Variants in OR51B5 observed in about 807,000 individuals in gnomAD.
OR51B5 encodes the protein olfactory receptor 51B5.
For synonymous variants in OR51B5, 186 were observed against 144.8 expected (o/e 1.28, Z -2.04); for missense variants, 456 against 374.6 (o/e 1.22, Z -1.79).
intron 1 of OR51B5, among the ~76,000 whole-genome samples, chr11:5,471,712 T>A (rs1037689602): frequency 5.3e-5 from 8 of 152,180 alleles, no homozygotes; most frequent in Admixed American, 2.0e-4. Flanking sequence ...CTACATGTTT[T>A]TACTGTAAAA....
Position 5,422,714 on chromosome 11 carries a change from C to T in OR51B5, n.85-75804G>A, listed in dbSNP as rs1193711671. On this transcript the variant is annotated intron_variant and non_coding_transcript_variant, in intron 1 of 4. Coordinates refer to the OR51B5 transcript ENST00000415970. Reference sequence around the variant, plus strand: ...CTTACTCAAGCGACTGCCTTTCTGCCACTCCCACCTTCTCTCTCGCTCCTA... The same window carrying T: ...CTTACTCAAGCGACTGCCTTTCTGCTACTCCCACCTTCTCTCTCGCTCCTA... The T allele has an allele frequency of 1.2e-6, 2 of 1,613,998 alleles. No homozygotes were observed. The highest frequency in any genetic ancestry group is 1.1e-5 in the South Asian group (1 of 91,066).
intron 1 of OR51B5, among the ~76,000 whole-genome samples, chr11:5,456,849 G>A (rs778809458): frequency 6.6e-6 from 1 of 152,182 alleles, no homozygotes; most frequent in Non-Finnish European, 1.5e-5. Context: ...TCTTCTTGAT[G>A]TTGTTCTCAT....
chr11:5,412,762 C>G (rs1268637576), intron 1 of OR51B5, among the ~76,000 whole-genome samples: 1 of 152,090 alleles, frequency 6.6e-6, no homozygotes, highest in Non-Finnish European at 1.5e-5. Context: ...ATTGCCCAGG[C>G]TTGCTTAGGT....
chr11:5,487,469 A>G (rs1851514869), intron 1 of OR51B5, among the ~76,000 whole-genome samples: 1 of 152,160 alleles, frequency 6.6e-6, no homozygotes, highest in Non-Finnish European at 1.5e-5. Flanking sequence ...AAAATCAGAG[A>G]ATGACTACAT....
chr11:5,473,854 A>AGTGTGT (rs71053262), intron 1 of OR51B5, among the ~76,000 whole-genome samples: 14,632 of 150,030 alleles, frequency 0.098, 734 homozygotes, highest in Middle Eastern at 0.13. Context: ...TTACAAAATG[A>AGTGTGT]GTGTGTGTGT....
At chr11:5,459,421 A>T (rs1477585263) in intron 1 of OR51B5, among the ~76,000 whole-genome samples, 3 of 150,964 alleles carry the variant, frequency 2.0e-5, no homozygotes, top group Admixed American at 6.6e-5. Context: ...TAGTTTCATC[A>T]GGAATATATT....
chr11:5,342,666 G>A (rs1483240017), exon 1 of OR51B5: 3 of 1,613,796 alleles, frequency 1.9e-6, no homozygotes, highest in Non-Finnish European at 2.5e-6. Context: ...TATGTTATAG[G>A]ATTCATTAGT....
At chr11:5,477,922 G>T (rs1449514097) in intron 1 of OR51B5, among the ~76,000 whole-genome samples, 30 of 151,988 alleles carry the variant, frequency 2.0e-4, no homozygotes, top group African/African-American at 7.0e-4. Flanking sequence ...CAAGGCAGCA[G>T]GGAGGCTGGG....
At chr11:5,413,246 T>A (rs1281582765) in intron 1 of OR51B5, among the ~76,000 whole-genome samples, 1 of 151,938 alleles carries the variant, frequency 6.6e-6, no homozygotes, top group Non-Finnish European at 1.5e-5. Context: ...GAAGGAAAAC[T>A]AACAAACAGA....
intron 1 of OR51B5, chr11:5,431,304 C>A: frequency 3.3e-6 from 1 of 303,074 alleles, no homozygotes; most frequent in South Asian, 3.1e-5. Flanking sequence ...ACATCTGGGC[C>A]AGGCAGCCAT....
intron 1 of OR51B5, among the ~76,000 whole-genome samples, chr11:5,491,754 CCT>C (rs921390644): frequency 6.6e-6 from 1 of 152,110 alleles, no homozygotes; most frequent in Non-Finnish European, 1.5e-5. Flanking sequence ...GTGAAACTTC[CCT>C]GATTACCAAT....
intron 1 of OR51B5, chr11:5,352,495 T>A: frequency 8.6e-7 from 1 of 1,159,604 alleles, no homozygotes; most frequent in Non-Finnish European, 1.2e-6. Context: ...CTGGACAGGA[T>A]GACAATGTTG....
In OR51B5 at chr11:5,454,338, C is replaced by T. The variant is rs746837240; in HGVS notation, n.84+51231G>A. On this transcript the variant is annotated intron_variant and non_coding_transcript_variant, in intron 1 of 4. Transcript: ENST00000415970. ...CATGTCAAATGTGTACCTATTTGTGCCTCCTGTGCTCAACCCTCTCATTTA... is the reference window on the plus strand; with the variant it reads ...CATGTCAAATGTGTACCTATTTGTGTCTCCTGTGCTCAACCCTCTCATTTA... 2.5e-6 allele frequency: 4 copies of T among 1,614,104 alleles called. No homozygotes were observed. In the South Asian group the frequency reaches 3.3e-5, roughly 13 times the overall value.
chr11:5,345,527 C>A (rs1350302339), upstream of OR51B5, among the ~76,000 whole-genome samples: 1 of 152,064 alleles, frequency 6.6e-6, no homozygotes, highest in Non-Finnish European at 1.5e-5. Context: ...GCCATTTACT[C>A]AAAATGGAAG....
At chr11:5,353,970 G>GTCTGTCTGTAGTATGAT (rs558402321) in intron 1 of OR51B5, among the ~76,000 whole-genome samples, 77 of 152,320 alleles carry the variant, frequency 5.1e-4, no homozygotes, top group African/African-American at 1.7e-3. Context: ...TTGGCTGTGT[G>GTCTGTCTGTAGTATGAT]TGAAATTTGC....
intron 1 of OR51B5, among the ~76,000 whole-genome samples, chr11:5,451,481 G>T (rs1850847339): frequency 6.6e-6 from 1 of 152,196 alleles, no homozygotes; most frequent in Non-Finnish European, 1.5e-5. Flanking sequence ...CAGAGTTCTT[G>T]AAGAGACACA....
At chr11:5,448,672 G>A (rs1448526481) in intron 1 of OR51B5, among the ~76,000 whole-genome samples, 1 of 152,206 alleles carries the variant, frequency 6.6e-6, no homozygotes, top group Non-Finnish European at 1.5e-5. Context: ...ATACATTTAA[G>A]AGACCCAGTT....
chr11:5,464,183 A>G (rs993376290), intron 1 of OR51B5, among the ~76,000 whole-genome samples: 6 of 152,250 alleles, frequency 3.9e-5, no homozygotes, highest in African/African-American at 1.4e-4. Context: ...GAACTTAATC[A>G]TTTGCCAAGT....
intron 1 of OR51B5, among the ~76,000 whole-genome samples, chr11:5,414,862 T>A (rs1369092657): frequency 6.6e-6 from 1 of 152,108 alleles, no homozygotes; most frequent in African/African-American, 2.4e-5. Flanking sequence ...ATTAGATAGA[T>A]CAACGAGACA....
Sources: gnomAD v4.1 joint callset for allele counts (sites outside exome capture counted in the v4.1 genomes callset) on GRCh38, gnomAD v4.1.1 for gene constraint, MANE v1.5 for transcripts, NCBI Gene and HGNC (gene_info 2026-07-23, HGNC 2026-07-21) for gene names.